MALRD1: variants seen among roughly 807,000 people sequenced by gnomAD.
MALRD1 encodes the protein MAM and LDL receptor class A domain containing 1.
In MALRD1, 247 loss-of-function variants were observed where a neutral mutation model predicts 242.1. That is an observed-to-expected ratio of 1.02 (90% confidence interval 0.92 to 1.13). MALRD1 has a LOEUF of 1.13. Among genes scored for constraint, MALRD1 ranks in the 50% most tolerant of loss-of-function variants. MALRD1 has a pLI of 0.00. For missense variants in MALRD1, 2,989 were observed against 2,533.1 expected (o/e 1.18, Z -3.86); for synonymous variants, 995 against 866.6 (o/e 1.15, Z -2.60).
intron 2 of MALRD1, among the ~76,000 whole-genome samples, chr10:19,074,119 A>G (rs1235464131): frequency 6.6e-6 from 1 of 152,094 alleles, no homozygotes; most frequent in African/African-American, 2.4e-5. Context: ...AATGTCAAGA[A>G]TTATGTCCTC....
intron 2 of MALRD1, among the ~76,000 whole-genome samples, chr10:19,073,190 C>T (rs1383284470): frequency 6.6e-6 from 1 of 152,132 alleles, no homozygotes; most frequent in Non-Finnish European, 1.5e-5. Flanking sequence ...GCTGGAATTA[C>T]AGGCGTGAGC....
intron 19 of MALRD1, among the ~76,000 whole-genome samples, chr10:19,263,771 C>CT (rs1564512803): frequency 6.6e-6 from 1 of 151,918 alleles, no homozygotes; most frequent in East Asian, 1.9e-4. Context: ...TCTGTGCTTT[C>CT]TATTATGCTC....
chr10:19,183,756 C>T (rs1835621556), intron 14 of MALRD1, among the ~76,000 whole-genome samples: 1 of 152,110 alleles, frequency 6.6e-6, no homozygotes, highest in Admixed American at 6.5e-5. Flanking sequence ...ATTGGATTTG[C>T]TCAAGAACTG....
intron 18 of MALRD1, among the ~76,000 whole-genome samples, chr10:19,237,520 A>G (rs1168464625): frequency 3.0e-5 from 4 of 134,354 alleles, no homozygotes; most frequent in African/African-American, 1.1e-4. Context: ...GTCCATATAT[A>G]TATATATATA....
intron 1 of MALRD1, among the ~76,000 whole-genome samples, chr10:19,056,365 T>C (rs535393425): frequency 2.0e-5 from 3 of 152,258 alleles, no homozygotes; most frequent in African/African-American, 7.2e-5. Flanking sequence ...TTAAGTTTAA[T>C]TCTCGGTGTT....
intron 28 of MALRD1, among the ~76,000 whole-genome samples, chr10:19,448,526 G>C (rs922473358): frequency 2.6e-5 from 4 of 152,204 alleles, no homozygotes; most frequent in Admixed American, 6.5e-5. Context: ...ACAAAGAATA[G>C]TGTATACAAT....
At chr10:19,202,874 G>T (rs1382792242) in intron 14 of MALRD1, among the ~76,000 whole-genome samples, 1 of 151,998 alleles carries the variant, frequency 6.6e-6, no homozygotes, top group Non-Finnish European at 1.5e-5. Context: ...ACAATATTTG[G>T]ATTACGTTCC....
intron 21 of MALRD1, among the ~76,000 whole-genome samples, chr10:19,321,787 A>G (rs1842923139): frequency 2.0e-5 from 3 of 152,016 alleles, no homozygotes; most frequent in Admixed American, 2.0e-4. Context: ...TCTTGCTCCC[A>G]CTTCCTGGTA....
At chr10:19,679,459 C>G (rs569268924) in intron 36 of MALRD1, among the ~76,000 whole-genome samples, 12 of 152,082 alleles carry the variant, frequency 7.9e-5, no homozygotes, top group Middle Eastern at 3.4e-3. Context: ...GGTATTTACA[C>G]TATTCTCTGA....
At chr10:19,171,220 A>C (rs929307692) in intron 13 of MALRD1, among the ~76,000 whole-genome samples, 3 of 151,684 alleles carry the variant, frequency 2.0e-5, no homozygotes, top group African/African-American at 7.3e-5. Context: ...ATCCCAAAAA[A>C]TAGTTTTAGA....
intron 21 of MALRD1, among the ~76,000 whole-genome samples, chr10:19,301,376 A>G (rs936125344): frequency 4.0e-5 from 6 of 151,794 alleles, no homozygotes; most frequent in Middle Eastern, 3.2e-3. Context: ...ATCCAAAGCA[A>G]TATAAATCAT....
At chr10:19,341,175 A>G (rs1381335475) in intron 24 of MALRD1, among the ~76,000 whole-genome samples, 1 of 152,040 alleles carries the variant, frequency 6.6e-6, no homozygotes, top group Non-Finnish European at 1.5e-5. Flanking sequence ...TGAATTGAAT[A>G]GACTAAAATA....
chr10:19,294,131 ATC>A (rs1410928533), intron 21 of MALRD1, among the ~76,000 whole-genome samples: 1 of 152,230 alleles, frequency 6.6e-6, no homozygotes, highest in African/African-American at 2.4e-5. Flanking sequence ...TAACTTTTAT[ATC>A]TCGTTTACAA....
chr10:19,621,639 T>C (rs1185210689), intron 36 of MALRD1, among the ~76,000 whole-genome samples: 2 of 151,646 alleles, frequency 1.3e-5, no homozygotes, highest in Non-Finnish European at 3.0e-5. Flanking sequence ...GAAAATGAAA[T>C]AGTAGAACAG....
chr10:19,425,448 G>T (rs984894734), intron 28 of MALRD1, among the ~76,000 whole-genome samples: 2 of 152,176 alleles, frequency 1.3e-5, no homozygotes, highest in Non-Finnish European at 2.9e-5. Flanking sequence ...ATATACGTGT[G>T]TGTGTGTATG....
chr10:19,553,760 A>G (rs1241975887), intron 32 of MALRD1, among the ~76,000 whole-genome samples: 1 of 152,174 alleles, frequency 6.6e-6, no homozygotes, highest in Non-Finnish European at 1.5e-5. Context: ...TGATGTTGTG[A>G]TGTGGCAGCA....
chr10:19,088,313 C>A, intron 4 of MALRD1, 128 bp downstream of exon 4: 1 of 844,916 alleles, frequency 1.2e-6, no homozygotes, highest in Non-Finnish European at 1.6e-6. Context: ...CCAGGACTTT[C>A]AAATGCTGAA....
At chr10:19,479,322 T>C (rs754675570) in intron 29 of MALRD1, among the ~76,000 whole-genome samples, 33 of 152,296 alleles carry the variant, frequency 2.2e-4, no homozygotes, top group Middle Eastern at 3.4e-3. Flanking sequence ...GCCAGATGGA[T>C]AGATGGGTCT....
chr10:19,249,438 T>A (rs1839209201), intron 18 of MALRD1, among the ~76,000 whole-genome samples: 1 of 151,864 alleles, frequency 6.6e-6, no homozygotes, highest in South Asian at 2.1e-4. Context: ...TTATATGTCA[T>A]GTAAAACAGA....
Sources: gnomAD v4.1 joint callset for allele counts (sites outside exome capture counted in the v4.1 genomes callset) on GRCh38, gnomAD v4.1.1 for gene constraint, MANE v1.5 for transcripts, NCBI Gene and HGNC (gene_info 2026-07-23, HGNC 2026-07-21) for gene names.